The following CNTN6 variants were observed in gnomAD, a reference collection of about 807,000 sequenced individuals.
CNTN6 encodes the protein contactin 6.
CNTN6 carries 137 observed loss-of-function variants against 122.8 expected under a neutral mutation model. The ratio of observed to expected loss-of-function variants is 1.12; its 90% CI spans 0.97 to 1.29. The LOEUF (loss-of-function observed/expected upper bound fraction) is 1.29. Among genes scored for constraint, CNTN6 ranks in the 50% most tolerant of loss-of-function variants. The pLI is 0.00. For synonymous variants in CNTN6, 570 were observed against 426.0 expected (o/e 1.34, Z -4.16); for missense variants, 1,634 against 1,223.4 (o/e 1.34, Z -5.01).
At chr3:1,283,193 G>C (rs1295480991) in intron 5 of CNTN6, among the ~76,000 whole-genome samples, 1 of 152,160 alleles carries the variant, frequency 6.6e-6, no homozygotes, top group Non-Finnish European at 1.5e-5. Flanking sequence ...GGCCTCATGT[G>C]ATCCGCCTGC....
chr3:1,291,502 G>A (rs1480976839), intron 5 of CNTN6, among the ~76,000 whole-genome samples: 1 of 152,188 alleles, frequency 6.6e-6, no homozygotes, highest in African/African-American at 2.4e-5. Flanking sequence ...GGATTTCAGA[G>A]AGCTAAAGCG....
At chr3:1,259,679 A>G (rs1253203542) in intron 4 of CNTN6, among the ~76,000 whole-genome samples, 1 of 152,112 alleles carries the variant, frequency 6.6e-6, no homozygotes, top group African/African-American at 2.4e-5. Flanking sequence ...TTTACAATGT[A>G]TGACTTTGCA....
At position 1,325,870 on chromosome 3, in the gene CNTN6, CT is replaced by C. The variant is rs1378300412; in HGVS notation, c.1004del (p.Leu335CysfsTer18). 4 of 1,612,020 alleles carry C rather than the reference CT, an allele frequency of 2.5e-6. No individual in the cohort carries two copies. In the East Asian group the frequency reaches 8.9e-5, roughly 36 times the overall value. On this transcript the variant is annotated frameshift_variant, in exon 9 of 23. Coordinates refer to ENST00000446702, the MANE Select transcript of CNTN6 (RefSeq NM_001289080.2). LOFTEE classifies it high-confidence loss of function. ...ATACACACCTCTCTATCTATGACAA[CT>C]TGCTCTGGGAATGTAAAGCTAGTGG... ...QNTHLSIYDNLLWECKASGKP... is the reference protein window; with the variant it reads ...QNTHLSIYDNXLWECKASGKP...
intron 7 of CNTN6, among the ~76,000 whole-genome samples, chr3:1,316,164 G>C (rs577979391): frequency 6.6e-6 from 1 of 151,904 alleles, no homozygotes; most frequent in Non-Finnish European, 1.5e-5. Flanking sequence ...TATGAATTGT[G>C]TACTATTACT....
At chr3:1,150,054 A>C (rs2092805339) in intron 2 of CNTN6, among the ~76,000 whole-genome samples, 1 of 138,816 alleles carries the variant, frequency 7.2e-6, no homozygotes, top group Admixed American at 7.0e-5. Flanking sequence ...AACAGATTGG[A>C]TCTATTAAGT....
intron 2 of CNTN6, among the ~76,000 whole-genome samples, chr3:1,160,505 A>G (rs916970590): frequency 6.6e-6 from 1 of 151,496 alleles, no homozygotes; most frequent in African/African-American, 2.4e-5. Context: ...GTAGTACATT[A>G]TTCCATTGTA....
At chr3:1,298,569 A>G (rs1191449561) in intron 7 of CNTN6, among the ~76,000 whole-genome samples, 1 of 152,182 alleles carries the variant, frequency 6.6e-6, no homozygotes, top group African/African-American at 2.4e-5. Flanking sequence ...AAGCCAGGAA[A>G]ATACCTACAT....
At chr3:1,304,581 T>C (rs1213120348) in intron 7 of CNTN6, among the ~76,000 whole-genome samples, 1 of 152,194 alleles carries the variant, frequency 6.6e-6, no homozygotes, top group Non-Finnish European at 1.5e-5. Flanking sequence ...CTTGAAAGAA[T>C]TCAGCAAAAT....
intron 2 of CNTN6, among the ~76,000 whole-genome samples, chr3:1,154,638 T>C (rs1427047006): frequency 6.6e-6 from 1 of 152,020 alleles, no homozygotes; most frequent in African/African-American, 2.4e-5. Context: ...AGACGGGGTT[T>C]CTCCATGTTG....
intron 2 of CNTN6, among the ~76,000 whole-genome samples, chr3:1,209,467 C>T (rs1435105557): frequency 1.3e-5 from 2 of 152,170 alleles, no homozygotes; most frequent in Admixed American, 1.3e-4. Flanking sequence ...AGTCCTTAGA[C>T]ACAGTCTAGC....
intron 2 of CNTN6, among the ~76,000 whole-genome samples, chr3:1,180,630 A>G (rs900331904): frequency 6.6e-6 from 1 of 152,222 alleles, no homozygotes; most frequent in Non-Finnish European, 1.5e-5. Context: ...AGAGCATTAG[A>G]TATGGAATTT....
rs1357429408 is a variant in CNTN6, at chr3:1,256,841, ACTAT to A, written c.359-21567_359-21564del. 3.8e-4 allele frequency among the ~76,000 whole-genome samples: 58 copies of A among 152,268 alleles called. 1 individual carries two copies. Among genetic ancestry groups the A allele is most frequent in the East Asian group, 1.9e-4 (1 of 5,186 alleles). ...GGCTTCATTAGACAGTAATAAAATA[ACTAT>A]CTATTATATACTTCTTTACTCATTT... On this transcript the variant is annotated intron_variant, in intron 4 of 22. Transcript: ENST00000446702.
At chr3:1,401,190 T>C (rs1695654662) in intron 20 of CNTN6, 1 of 405,780 alleles carries the variant, frequency 2.5e-6, no homozygotes, top group Non-Finnish European at 4.4e-6. Flanking sequence ...AATAAATTAA[T>C]ACTGGACATG....
intron 12 of CNTN6, among the ~76,000 whole-genome samples, chr3:1,365,180 C>T (rs889641598): frequency 6.6e-6 from 1 of 151,938 alleles, no homozygotes; most frequent in Non-Finnish European, 1.5e-5. Flanking sequence ...TAGAAGGCAA[C>T]TCTTATCAAT....
intron 11 of CNTN6, 21 bp downstream of exon 11, chr3:1,329,956 A>G (rs759718775): frequency 1.6e-5 from 24 of 1,502,668 alleles, no homozygotes; most frequent in Non-Finnish European, 2.1e-5. Flanking sequence ...CTTTATTTTT[A>G]AAAATATTTT....
chr3:1,180,525 A>C (rs963398291), intron 2 of CNTN6, among the ~76,000 whole-genome samples: 4 of 152,222 alleles, frequency 2.6e-5, no homozygotes, highest in Non-Finnish European at 5.9e-5. Context: ...AGGTTTACTA[A>C]ATATTTTATC....
intron 4 of CNTN6, among the ~76,000 whole-genome samples, chr3:1,271,883 G>A (rs908934891): frequency 5.3e-5 from 8 of 152,264 alleles, no homozygotes; most frequent in South Asian, 4.1e-4. Flanking sequence ...AGTGTGAACC[G>A]TGGAACCAGA....
Position 1,382,983 on chromosome 3 carries a change from T to TATCA in CNTN6, c.2209_2212dup (p.Ile738AsnfsTer30), listed in dbSNP as rs1559981079. The TATCA allele has an allele frequency of 1.2e-6, 2 of 1,614,062 alleles. No individual in the cohort carries two copies. The highest frequency in any genetic ancestry group is 2.2e-5 in the South Asian group (2 of 91,082). ...TGCAGAATGGGGAGGGATTTGGATA[T>TATCA]ATCATCATGTTCCGGCCAGTGGGCT... On this transcript the variant is annotated frameshift_variant, in exon 18 of 23. Coordinates refer to ENST00000446702, the MANE Select transcript of CNTN6 (RefSeq NM_001289080.2). LOFTEE classifies it high-confidence loss of function.
chr3:1,103,195 G>T (rs1228427902), intron 1 of CNTN6, among the ~76,000 whole-genome samples: 1 of 152,192 alleles, frequency 6.6e-6, no homozygotes, highest in African/African-American at 2.4e-5. Flanking sequence ...GAACACACTT[G>T]TTTAAAGTGG....
Sources: gnomAD v4.1 joint callset for allele counts (sites outside exome capture counted in the v4.1 genomes callset) on GRCh38, gnomAD v4.1.1 for gene constraint, MANE v1.5 for transcripts, NCBI Gene and HGNC (gene_info 2026-07-23, HGNC 2026-07-21) for gene names.